The following CHST4 variants were observed in gnomAD, a reference collection of about 807,000 sequenced individuals.
CHST4 encodes carbohydrate sulfotransferase 4.
For missense variants in CHST4, 466 were observed against 506.0 expected (o/e 0.92, Z 0.76); for synonymous variants, 171 against 195.5 (o/e 0.87, Z 1.05).
intron 1 of CHST4, among the ~76,000 whole-genome samples, chr16:71,528,073 C>T (rs1269841437): frequency 1.3e-5 from 2 of 151,910 alleles, no homozygotes; most frequent in Admixed American, 1.3e-4. Context: ...GTCAGGAGTT[C>T]GAGACCTGCC....
Position 71,537,918 on chromosome 16 carries a change from T to G in CHST4, c.*80T>G. On this transcript the variant is annotated 3_prime_UTR_variant, in exon 2 of 2. Transcript: ENST00000539698. The surrounding 1 kb of genome is among the most constrained non-coding windows in gnomAD (Gnocchi z 4.2). ...AATGCTTCTGAGCCTTGCCTACATCTCTGAGCCTTAACTACATGTCTGTGG... is the reference window on the plus strand; with the variant it reads ...AATGCTTCTGAGCCTTGCCTACATCGCTGAGCCTTAACTACATGTCTGTGG... 7.6e-7 allele frequency: 1 copy of G among 1,320,948 alleles called. No individual in the cohort carries two copies. Among genetic ancestry groups the G allele is most frequent in the Non-Finnish European group, 1.1e-6 (1 of 951,828 alleles). 81.8% of individuals were successfully genotyped at this position (1,320,948 alleles called of 1,614,324 possible). A position where few individuals can be genotyped will look rare whatever the true frequency, so the allele number is the denominator to read the frequency against.
At chr16:71,534,404 C>T (rs1432598153) in intron 1 of CHST4, among the ~76,000 whole-genome samples, 1 of 142,792 alleles carries the variant, frequency 7.0e-6, no homozygotes, top group African/African-American at 2.7e-5. Context: ...GTTGCCCAGG[C>T]TAGAGTGCAA....
chr16:71,537,175 G>C lies in CHST4; in HGVS notation c.498G>C (p.Lys166Asn). 1 of 1,614,140 alleles carries C rather than the reference G, an allele frequency of 6.2e-7. No individual in the cohort carries two copies. The highest frequency in any genetic ancestry group is 8.5e-7 in the Non-Finnish European group (1 of 1,180,026). Residue 166 changes from lysine (K) to asparagine (N), a missense_variant, in exon 2 of 2, where the codon AAG (lysine) becomes AAC (asparagine). Lys to Asn is a moderately conservative substitution (Grantham distance 94). Transcript: ENST00000539698. This position sits in a 1 kb window ranked among gnomAD's most constrained non-coding sequence, Gnocchi z 4.2. ...AACAGCCCTTTGAGGTGGTGGAGAA[G>C]GCCTGCCGCTCCTACAGCCACGTGG... Reference protein sequence around the residue: ...CSQQPFEVVEKACRSYSHVVL... With the variant: ...CSQQPFEVVENACRSYSHVVL...
chr16:71,536,963 G>T lies in CHST4; in HGVS notation c.286G>T (p.Asp96Tyr), dbSNP rs2043993998. ...CTGGATGCTGCACATGGCTGTGCGGGATCTGATACGGGCCGTCTTCTTGTG... is the reference window on the plus strand; with the variant it reads ...CTGGATGCTGCACATGGCTGTGCGGTATCTGATACGGGCCGTCTTCTTGTG... ...TAWMLHMAVR[D>Y]LIRAVFLCDM... Residue 96 changes from aspartate to tyrosine, a missense_variant, in exon 2 of 2, where the codon GAT becomes TAT. Physicochemically the swap from Asp to Tyr is radical, Grantham distance 160 (BLOSUM62 -3). Coordinates refer to ENST00000539698, the MANE Select transcript of CHST4 (RefSeq NM_001166395.2). The T allele has an allele frequency of 6.2e-7, 1 of 1,613,844 alleles. No individual in the cohort carries two copies. Among genetic ancestry groups the T allele is most frequent in the Non-Finnish European group, 8.5e-7 (1 of 1,179,908 alleles).
Position 71,537,301 on chromosome 16 carries a change from G to A in CHST4, c.624G>A (p.Arg208=). ...TCGTGCACCTGGTCCGGGACCCCCG[G>A]GCCGTGTTCCGTTCCCGAGAACGCA... The part of the protein sequence containing the change: ...LHIVHLVRDP[R]AVFRSRERTK... Residue 208 remains arginine, a synonymous_variant, in exon 2 of 2, where the codon CGG becomes CGA. Coordinates refer to ENST00000539698, the MANE Select transcript of CHST4 (RefSeq NM_001166395.2). The surrounding 1 kb of genome is among the most constrained non-coding windows in gnomAD (Gnocchi z 4.2). 6.2e-7 allele frequency: 1 copy of A among 1,614,160 alleles called. No homozygotes were observed.
chr16:71,528,702 G>C (rs1047819207), intron 1 of CHST4, among the ~76,000 whole-genome samples: 4 of 152,222 alleles, frequency 2.6e-5, no homozygotes, highest in African/African-American at 9.7e-5. Context: ...CTCATGGGAA[G>C]TGTAAGTTAG....
At chr16:71,529,919 G>A (rs1001243750) in intron 1 of CHST4, among the ~76,000 whole-genome samples, 1 of 151,646 alleles carries the variant, frequency 6.6e-6, no homozygotes, top group African/African-American at 2.4e-5. Flanking sequence ...AGGCCGAGGC[G>A]GGAGAATCAC....
chr16:71,538,355 G>A lies in CHST4; in HGVS notation c.*517G>A, dbSNP rs188707245. On this transcript the variant is annotated 3_prime_UTR_variant, in exon 2 of 2. Transcript: ENST00000539698. ...TGACCATCACAGCTATCGGTAATCA[G>A]AAATATGAAACAAAATCTCTGCACA... 5.5e-3 allele frequency: 925 copies of A among 168,786 alleles called. 7 individuals are homozygous for A. The highest frequency in any genetic ancestry group is 0.013 in the Middle Eastern group (4 of 300). The allele number at this position is 168,786 out of a possible 1,614,324, so 10.5% of individuals were successfully genotyped here. A position where few individuals can be genotyped will look rare whatever the true frequency, so the allele number is the denominator to read the frequency against.
At chr16:71,532,762 T>C (rs1377550420) in intron 1 of CHST4, among the ~76,000 whole-genome samples, 1 of 152,234 alleles carries the variant, frequency 6.6e-6, no homozygotes, top group Non-Finnish European at 1.5e-5. Flanking sequence ...GCTACCTTCA[T>C]ACATGTGTGA....
chr16:71,527,774 G>A (rs77230746), intron 1 of CHST4, among the ~76,000 whole-genome samples: 9,467 of 152,046 alleles, frequency 0.062, 466 homozygotes, highest in South Asian at 0.23. Flanking sequence ...AAAAAAGTAC[G>A]GGTCTGTCGC....
intron 1 of CHST4, among the ~76,000 whole-genome samples, chr16:71,527,497 A>G (rs191485573): frequency 1.4e-4 from 22 of 152,338 alleles, no homozygotes; most frequent in African/African-American, 5.0e-4. Context: ...CTGTAATCCC[A>G]GCACTTTGGG....
In CHST4 at chr16:71,536,768, A is replaced by T. The variant is rs1164522420; in HGVS notation, c.91A>T (p.Ile31Phe). ...ALFFHMYSHN[I>F]SSLSMKAQPE... ...ATTCTTCCACATGTACAGCCACAACATCAGCTCCCTGTCTATGAAGGCACA... is the reference window on the plus strand; with the variant it reads ...ATTCTTCCACATGTACAGCCACAACTTCAGCTCCCTGTCTATGAAGGCACA... Residue 31 changes from isoleucine (I) to phenylalanine (F), a missense_variant, in exon 2 of 2, where the codon ATC (isoleucine) becomes TTC (phenylalanine). By Grantham distance (21) the Ile-to-Phe change is conservative. Coordinates refer to ENST00000539698, the MANE Select transcript of CHST4 (RefSeq NM_001166395.2). 6.6e-7 allele frequency: 1 copy of T among 1,513,680 alleles called. No individual in the cohort carries two copies. Among genetic ancestry groups the T allele is most frequent in the Admixed American group, 2.3e-5 (1 of 43,992 alleles). 93.8% of individuals were successfully genotyped at this position (1,513,680 alleles called of 1,614,324 possible).
intron 1 of CHST4, among the ~76,000 whole-genome samples, chr16:71,528,833 A>C (rs1031447287): frequency 6.6e-6 from 1 of 152,098 alleles, no homozygotes; most frequent in Non-Finnish European, 1.5e-5. Context: ...GGGGACATCT[A>C]TAATTCAGCC....
intron 1 of CHST4, among the ~76,000 whole-genome samples, chr16:71,534,532 A>ATT (rs1244395590): frequency 2.2e-4 from 34 of 151,596 alleles, no homozygotes; most frequent in South Asian, 8.4e-4. Flanking sequence ...TAATTTTTGT[A>ATT]TTTTTAGCAG....
At chr16:71,535,241 C>T (rs1007034368) in intron 1 of CHST4, among the ~76,000 whole-genome samples, 7 of 152,196 alleles carry the variant, frequency 4.6e-5, no homozygotes, top group Admixed American at 3.3e-4. Flanking sequence ...GGCGCGATCT[C>T]GGCTTACTAC....
chr16:71,528,686 C>A (rs1396130454), intron 1 of CHST4, among the ~76,000 whole-genome samples: 1 of 152,164 alleles, frequency 6.6e-6, no homozygotes, highest in South Asian at 2.1e-4. Context: ...TTGTAAGGGG[C>A]ATAATCTCAT....
At chr16:71,531,662 C>T (rs557839059) in intron 1 of CHST4, among the ~76,000 whole-genome samples, 1 of 152,266 alleles carries the variant, frequency 6.6e-6, no homozygotes, top group African/African-American at 2.4e-5. Flanking sequence ...GCACAGGACA[C>T]AGAACTGGCC....
At chr16:71,535,905 C>A (rs1288068421) in intron 1 of CHST4, among the ~76,000 whole-genome samples, 2 of 152,198 alleles carry the variant, frequency 1.3e-5, no homozygotes, top group Admixed American at 6.5e-5. Flanking sequence ...GATTTGCTAT[C>A]TAGGGCAAGG....
intron 1 of CHST4, 129 bp from the exon 2 acceptor site, chr16:71,536,531 G>T (rs562807987): frequency 1.9e-6 from 1 of 522,952 alleles, no homozygotes; most frequent in Non-Finnish European, 3.1e-6. Context: ...TTGTTGGCAC[G>T]AATCCTCTGG....
Sources: gnomAD v4.1 joint callset for allele counts (sites outside exome capture counted in the v4.1 genomes callset) on GRCh38, gnomAD v4.1.1 for gene constraint, Gnocchi (gnomAD v3.1) non-coding constraint, MANE v1.5 for transcripts, NCBI Gene and HGNC (gene_info 2026-07-23, HGNC 2026-07-21) for gene names.